ASPRV1: variants seen among roughly 807,000 people sequenced by gnomAD.
ASPRV1 encodes retroviral-like aspartic protease 1.
In ASPRV1, 7 loss-of-function variants were observed where a neutral mutation model predicts 11.0. That is an observed-to-expected ratio of 0.64 (90% CI 0.36 to 1.20). The LOEUF (loss-of-function observed/expected upper bound fraction) is 1.20. ASPRV1 is among the 50% of genes most tolerant of loss of function. ASPRV1 has a pLI of 0.02. For missense variants in ASPRV1, 299 were observed against 320.0 expected (o/e 0.93, Z 0.50); for synonymous variants, 136 against 138.4 (o/e 0.98, Z 0.12).
the ASPRV1 span, among the ~76,000 whole-genome samples, chr2:69,984,153 CT>C: frequency 6.6e-6 from 1 of 152,132 alleles, no homozygotes; most frequent in Non-Finnish European, 1.5e-5. Context: ...ATTCTCCTGC[CT>C]TAGCCTCCCA....
the ASPRV1 span, among the ~76,000 whole-genome samples, chr2:70,065,585 CTGAAGAGA>C: frequency 6.6e-6 from 1 of 151,632 alleles, no homozygotes; most frequent in Non-Finnish European, 1.5e-5. Flanking sequence ...GAAGACCTGT[CTGAAGAGA>C]TAGCATTTAA....
chr2:70,018,148 TAAATAAAATAAAATA>T, the ASPRV1 span: 1 of 149,040 alleles, frequency 6.7e-6, no homozygotes, highest in African/African-American at 2.5e-5. Context: ...AATAAATAAA[TAAATAAAATAAAATA>T]AAATAAAATA....
At chr2:70,009,077 GGA>G in the ASPRV1 span, among the ~76,000 whole-genome samples, 1 of 152,024 alleles carries the variant, frequency 6.6e-6, no homozygotes, top group Non-Finnish European at 1.5e-5. Context: ...AGAAAATTCA[GGA>G]GAGAAAAAAA....
chr2:69,984,009 C>G, the ASPRV1 span, among the ~76,000 whole-genome samples: 3 of 152,156 alleles, frequency 2.0e-5, no homozygotes, highest in Non-Finnish European at 2.9e-5. Context: ...GGGATTCAAC[C>G]CTTTCTTCAA....
the ASPRV1 span, among the ~76,000 whole-genome samples, chr2:70,041,353 C>G: frequency 6.6e-6 from 1 of 152,204 alleles, no homozygotes; most frequent in Non-Finnish European, 1.5e-5. Context: ...TCTTTGGTTA[C>G]TAGCTAAGCC....
chr2:70,047,053 G>A, the ASPRV1 span, among the ~76,000 whole-genome samples: 1 of 152,134 alleles, frequency 6.6e-6, no homozygotes, highest in South Asian at 2.1e-4. Flanking sequence ...GAAGAAGCAA[G>A]GAAAACCAAG....
chr2:70,086,696 G>A, the ASPRV1 span, among the ~76,000 whole-genome samples: 2 of 152,336 alleles, frequency 1.3e-5, no homozygotes, highest in Admixed American at 6.5e-5. Context: ...GTGCCGCGGT[G>A]GAAACGACAC....
the ASPRV1 span, among the ~76,000 whole-genome samples, chr2:70,028,177 C>A: frequency 1.3e-5 from 2 of 152,114 alleles, no homozygotes; most frequent in African/African-American, 4.8e-5. Context: ...GCAGCTAGAA[C>A]CAGCATTATT....
chr2:69,975,194 C>A, the ASPRV1 span, among the ~76,000 whole-genome samples: 3 of 152,332 alleles, frequency 2.0e-5, no homozygotes, highest in South Asian at 6.2e-4. Flanking sequence ...CAGAGAAGAT[C>A]TGGAGGGGAT....
At chr2:70,041,571 A>G in the ASPRV1 span, among the ~76,000 whole-genome samples, 1 of 152,244 alleles carries the variant, frequency 6.6e-6, no homozygotes, top group Non-Finnish European at 1.5e-5. Flanking sequence ...AAAATGAGCT[A>G]CATCCCATCT....
the ASPRV1 span, among the ~76,000 whole-genome samples, chr2:70,025,065 T>G: frequency 6.6e-6 from 1 of 152,226 alleles, no homozygotes; most frequent in Admixed American, 6.5e-5. Flanking sequence ...TGTGATTGGA[T>G]GTATAAAAAT....
At chr2:70,000,902 G>C in the ASPRV1 span, among the ~76,000 whole-genome samples, 1 of 150,832 alleles carries the variant, frequency 6.6e-6, no homozygotes, top group African/African-American at 2.4e-5. Context: ...CTGTAAAAGA[G>C]TCCAAGTAAT....
At chr2:70,017,770 T>C in the ASPRV1 span, among the ~76,000 whole-genome samples, 1 of 152,198 alleles carries the variant, frequency 6.6e-6, no homozygotes, top group Admixed American at 6.5e-5. Flanking sequence ...CAAAATTCAG[T>C]AGTGTTTATA....
chr2:69,951,204 T>A, the ASPRV1 span, among the ~76,000 whole-genome samples: 4 of 151,940 alleles, frequency 2.6e-5, no homozygotes, highest in South Asian at 8.3e-4. Context: ...GGCAGGCAGA[T>A]CGCGAGGTCA....
chr2:69,961,916 G>T, upstream of ASPRV1: 1 of 458,738 alleles, frequency 2.2e-6, no homozygotes, highest in Non-Finnish European at 4.0e-6. Context: ...TGACATTCAG[G>T]TATTTGTCAT....
At chr2:70,038,032 A>G in the ASPRV1 span, among the ~76,000 whole-genome samples, 1 of 152,156 alleles carries the variant, frequency 6.6e-6, no homozygotes, top group Non-Finnish European at 1.5e-5. Context: ...CAGTTGGACT[A>G]GTTTTTCATT....
chr2:70,016,681 T>C, the ASPRV1 span, among the ~76,000 whole-genome samples: 1 of 152,070 alleles, frequency 6.6e-6, no homozygotes, highest in African/African-American at 2.4e-5. Flanking sequence ...CCATCTCTAC[T>C]GAAAATACAA....
At chr2:69,992,008 CGTGACCACCTGTGGGGAAT>C in the ASPRV1 span, among the ~76,000 whole-genome samples, 1 of 152,146 alleles carries the variant, frequency 6.6e-6, no homozygotes, top group Non-Finnish European at 1.5e-5. Context: ...CCGTGGGGAA[CGTGACCACCTGTGGGGAAT>C]GTGACCACCT....
chr2:69,985,185 T>A, the ASPRV1 span, among the ~76,000 whole-genome samples: 1 of 152,198 alleles, frequency 6.6e-6, no homozygotes, highest in Non-Finnish European at 1.5e-5. Flanking sequence ...CTTCCAAACC[T>A]ACGCTCTTTT....
Sources: allele counts gnomAD v4.1 joint callset (sites outside exome capture counted in the v4.1 genomes callset), GRCh38; gene constraint gnomAD v4.1.1; transcripts MANE v1.5; gene names NCBI Gene and HGNC (gene_info 2026-07-23, HGNC 2026-07-21).